Variants in LMTK3 observed in about 807,000 individuals in gnomAD.
The protein encoded by LMTK3 is lemur tail kinase 3, also known as serine/threonine-protein kinase LMTK3.
Under a neutral mutation model 116.7 loss-of-function variants are expected in LMTK3, and 27 were observed. The observed-to-expected ratio is 0.23, with a 90% CI of 0.17 to 0.32. The LOEUF (loss-of-function observed/expected upper bound fraction) is 0.32. Ranked by LOEUF, LMTK3 falls within the 10% of genes least tolerant of loss-of-function variation. LMTK3 has a pLI of 1.00. For synonymous variants in LMTK3, 965 were observed against 971.0 expected, an observed-to-expected ratio of 0.99 and a Z score of 0.11; for missense variants, 1,764 against 2,068.5, an observed-to-expected ratio of 0.85 and a Z score of 2.86.
Position 48,511,626 on chromosome 19 carries a change from G to A in LMTK3, c.-50C>T, listed in dbSNP as rs765366481. On this transcript the variant is annotated 5_prime_UTR_variant, in exon 1 of 15. Coordinates refer to ENST00000600059, the MANE Select transcript of LMTK3 (RefSeq NM_001388485.1). ...GAGGTGGTGGCGGCTGGGGAGGAGG[G>A]GGGGGCGGGCCCTCAGCCCCCAGCC... 1.3e-5 allele frequency: 8 copies of A among 637,436 alleles called. No homozygotes were observed. The highest frequency in any genetic ancestry group is 3.8e-5 in the African/African-American group (2 of 52,272). 39.5% of individuals were successfully genotyped at this position (637,436 alleles called of 1,614,324 possible).
At chr19:48,486,483 C>T (rs182334041) in intron 14 of LMTK3, among the ~76,000 whole-genome samples, 126 of 152,294 alleles carry the variant, frequency 8.3e-4, no homozygotes, top group African/African-American at 2.8e-3. Flanking sequence ...TCATTTCCCT[C>T]TGACTGGTTT....
upstream of LMTK3, chr19:48,513,110 C>T (rs777471824): frequency 9.5e-6 from 15 of 1,575,672 alleles, no homozygotes; most frequent in Non-Finnish European, 1.1e-5. This position sits in a 1 kb window ranked among gnomAD's most constrained non-coding sequence, Gnocchi z 5.6. Flanking sequence ...CACAGACACG[C>T]GCACAGACAC....
Position 48,506,005 on chromosome 19 carries a change from G to A in LMTK3, c.557+2846C>T, listed in dbSNP as rs1325682972. On this transcript the variant is annotated intron_variant, in intron 5 of 14. Transcript: ENST00000600059. ...AAAATACCAAAAATTAGCCAGATGT[G>A]GTGGTGGGCGCCTGTAATCGCAGCT... 6.6e-5 allele frequency among the ~76,000 whole-genome samples: 10 copies of A among 152,008 alleles called. No homozygotes were observed. In the East Asian group the frequency reaches 1.9e-3, roughly 29 times the overall value.
chr19:48,487,102 T>C (rs1381687847), intron 14 of LMTK3, among the ~76,000 whole-genome samples: 1 of 150,992 alleles, frequency 6.6e-6, no homozygotes, highest in Non-Finnish European at 1.5e-5. Flanking sequence ...TGGCACGATC[T>C]TGGCTCAATG....
At position 48,508,893 on chromosome 19, in the gene LMTK3, G is replaced by A. The variant is rs770742432; in HGVS notation, c.515C>T (p.Pro172Leu). The A allele has an allele frequency of 5.0e-6, 8 of 1,613,468 alleles. No homozygotes were observed. The highest frequency in any genetic ancestry group is 5.9e-6 in the Non-Finnish European group (7 of 1,179,774). ...VVKELRASAGPLEQRKFISEA... is the reference protein window; with the variant it reads ...VVKELRASAGLLEQRKFISEA... ...CGAGATGAACTTGCGTTGCTCCAGG[G>A]GCCCCGCGCTGGCTCGGAGCTCCTT... The change falls in exon 5 of 15, where the codon CCC becomes CTC. Residue 172 changes from proline (P) to leucine (L), a missense_variant. By Grantham distance (98) the Pro-to-Leu change is moderately conservative. Transcript: ENST00000600059.
chr19:48,509,623 A>G (rs891272650), intron 3 of LMTK3, 110 bp from the exon 4 acceptor site: 4 of 886,746 alleles, frequency 4.5e-6, no homozygotes, highest in Non-Finnish European at 6.9e-6. Flanking sequence ...CTCTCTTTTC[A>G]TTGGCTGCCA....
Position 48,502,566 on chromosome 19 carries a change from A to G in LMTK3, c.661T>C (p.Tyr221His). 1.3e-6 allele frequency: 2 copies of G among 1,569,112 alleles called. No homozygotes were observed. The highest frequency in any genetic ancestry group is 1.7e-6 in the Non-Finnish European group (2 of 1,159,080). ...TCGGGGGGCCGCTGGGCTCGGAGGT[A>G]ACGCTTCAGGTCCCCCTGGGAGGGA... ...EFCQLGDLKR[Y>H]LRAQRPPEGL... The change falls in exon 7 of 15, where the codon TAC (tyrosine) becomes CAC (histidine). Residue 221 changes from tyrosine to histidine, a missense_variant. Tyr to His is a moderately conservative substitution (Grantham distance 83, BLOSUM62 2). Around this residue, in one of 7 missense-constraint regions of LMTK3, gnomAD observed 271 missense variants for 478.2 expected, o/e 0.57. Transcript: ENST00000600059.
In LMTK3 at chr19:48,499,361, G is replaced by T; in HGVS notation, c.1708C>A (p.Pro570Thr). Residue 570 changes from proline (P) to threonine (T), a missense_variant, in exon 11 of 15, where the codon CCC becomes ACC. This residue lies in a region of LMTK3 where 1,028 missense variants were observed against 1,050.6 expected (regional missense o/e 0.98). Coordinates refer to ENST00000600059, the MANE Select transcript of LMTK3 (RefSeq NM_001388485.1). Reference protein sequence around the residue: ...LDPGVPAPQAPQAPSEVPQLV... With the variant: ...LDPGVPAPQATQAPSEVPQLV... Reference sequence around the variant, plus strand: ...TGGGGGACCTCGGAGGGGGCCTGGGGGGCCTGAGGGGCGGGCACTCCTGGG... The same window carrying T: ...TGGGGGACCTCGGAGGGGGCCTGGGTGGCCTGAGGGGCGGGCACTCCTGGG... 1 of 1,425,210 alleles carries T rather than the reference G, an allele frequency of 7.0e-7. No homozygotes were observed. Among genetic ancestry groups the T allele is most frequent in the Non-Finnish European group, 9.2e-7 (1 of 1,083,090 alleles). 88.3% of individuals were successfully genotyped at this position (1,425,210 alleles called of 1,614,324 possible). A position where few individuals can be genotyped will look rare whatever the true frequency, so the allele number is the denominator to read the frequency against.
chr19:48,509,476 C>T lies in LMTK3; in HGVS notation c.399G>A (p.Leu133=). The T allele has an allele frequency of 1.9e-6, 3 of 1,560,598 alleles. No homozygotes were observed. Among genetic ancestry groups the T allele is most frequent in the Non-Finnish European group, 2.6e-6 (3 of 1,151,346 alleles). Residue 133 remains leucine, a synonymous_variant, in exon 4 of 15, where the codon CTG becomes CTA. Coordinates refer to ENST00000600059, the MANE Select transcript of LMTK3 (RefSeq NM_001388485.1). ...CACTCCCAATCTCCTGCAGGTAGCT[C>T]AGGTGCTGCCGGCTAAGGCCCAGGG... ...TTPLGLSRQH[L]SYLQEIGSGW... is the part of the protein sequence containing the mutation.
chr19:48,510,637 G>A (rs1351756043), intron 1 of LMTK3, 45 bp from the exon 2 acceptor site: 3 of 1,498,138 alleles, frequency 2.0e-6, no homozygotes, highest in South Asian at 1.3e-5. Flanking sequence ...CAAGTCCCTG[G>A]ATACCGGAAT....
chr19:48,501,016 C>A lies in LMTK3; in HGVS notation c.1131G>T (p.Lys377Asn). 6.5e-7 allele frequency: 1 copy of A among 1,528,134 alleles called. No individual in the cohort carries two copies. The highest frequency in any genetic ancestry group is 1.3e-5 in the South Asian group (1 of 77,194). The allele number at this position is 1,528,134 out of a possible 1,614,324, so 94.7% of individuals were successfully genotyped here. ...QHVKLARPRL[K>N]LPYADYWYDI... is the part of the protein sequence containing the mutation. ...CTCACCAGTAGTCCGCGTAAGGCAG[C>A]TTGAGCCTCGGCCGGGCCAGCTTCA... The change falls in exon 10 of 15, where the codon AAG becomes AAT. Residue 377 changes from lysine (K) to asparagine (N), a missense_variant. Transcript: ENST00000600059.
rs1300151012 is a variant in LMTK3 at position 48,498,127 on chromosome 19, G to T, written c.2942C>A (p.Ser981Tyr). 1 of 1,613,510 alleles carries T rather than the reference G, an allele frequency of 6.2e-7. No homozygotes were observed. Residue 981 changes from serine to tyrosine, a missense_variant, in exon 11 of 15, where the codon TCC becomes TAC. By Grantham distance (144) the Ser-to-Tyr change is moderately radical. Transcript: ENST00000600059. ...EKALENGELR[S>Y]PEAGEKVLVN... ...CAGCACCTTCTCCCCGGCCTCTGGG[G>T]ACCTCAGCTCCCCATTCTCCAGCGC...
chr19:48,499,243 C>G lies in LMTK3; in HGVS notation c.1826G>C (p.Gly609Ala). ...GGCGCCCCGGCCCTCGGGGTCCCAG[C>G]CGCTCAGCAGGAAGCTGCCTGACGC... ...SSASGSFLLS[G>A]WDPEGRGAGE... is the part of the protein sequence containing the mutation. Residue 609 changes from glycine to alanine, a missense_variant, in exon 11 of 15, where the codon GGC becomes GCC. Coordinates refer to ENST00000600059, the MANE Select transcript of LMTK3 (RefSeq NM_001388485.1). The G allele has an allele frequency of 7.2e-7, 1 of 1,383,988 alleles. No individual in the cohort carries two copies. The highest frequency in any genetic ancestry group is 9.4e-7 in the Non-Finnish European group (1 of 1,064,788). 85.7% of individuals were successfully genotyped at this position (1,383,988 alleles called of 1,614,324 possible).
Position 48,499,726 on chromosome 19 carries a change from G to A in LMTK3, c.1343C>T (p.Ser448Phe). The change falls in exon 11 of 15, where the codon TCC becomes TTC. Residue 448 changes from serine to phenylalanine, a missense_variant. Physicochemically the swap from Ser to Phe is radical, Grantham distance 155. Coordinates refer to ENST00000600059, the MANE Select transcript of LMTK3 (RefSeq NM_001388485.1). ...GCCATCCAGTAGGGGGAACGGTGAG[G>A]AGAGGGTCCCCGGGCGGGGCGCACT... is the stretch of plus-strand genomic sequence containing the variant. Reference protein sequence around the residue: ...AHSAPRPGTLSSPFPLLDGFP... With the variant: ...AHSAPRPGTLFSPFPLLDGFP... 1 of 1,529,716 alleles carries A rather than the reference G, an allele frequency of 6.5e-7. No individual in the cohort carries two copies. Among genetic ancestry groups the A allele is most frequent in the Non-Finnish European group, 8.8e-7 (1 of 1,136,512 alleles). The allele number at this position is 1,529,716 out of a possible 1,614,324, so 94.8% of individuals were successfully genotyped here.
Position 48,491,068 on chromosome 19 carries a change from G to A in LMTK3, c.4366+40C>T. 2 of 1,298,594 alleles carry A rather than the reference G, an allele frequency of 1.5e-6. No individual in the cohort carries two copies. The highest frequency in any genetic ancestry group is 9.8e-7 in the Non-Finnish European group (1 of 1,016,392). 80.4% of individuals were successfully genotyped at this position (1,298,594 alleles called of 1,614,324 possible). A position where few individuals can be genotyped will look rare whatever the true frequency, so the allele number is the denominator to read the frequency against. On this transcript the variant is annotated intron_variant, in intron 14 of 14. Transcript: ENST00000600059. This position sits in a 1 kb window ranked among gnomAD's most constrained non-coding sequence, Gnocchi z 5.1. ...GTTGGCAGTGGAACATAGGGGGACA[G>A]AGATGGGCAGAGGAGGGGGCAGGGC...
intron 12 of LMTK3, among the ~76,000 whole-genome samples, 163 bp downstream of exon 12, chr19:48,493,531 C>T (rs951396373): frequency 6.7e-6 from 1 of 149,414 alleles, no homozygotes; most frequent in Non-Finnish European, 1.5e-5. Context: ...GGCCCCGCCC[C>T]ACCCTAGCTC....
chr19:48,510,665 C>A (rs182586821), intron 1 of LMTK3, 73 bp from the exon 2 acceptor site: 10 of 1,454,292 alleles, frequency 6.9e-6, no homozygotes, highest in Non-Finnish European at 9.1e-6. Context: ...CCTCCCGTCC[C>A]GGCACGTCTT....
intron 14 of LMTK3, among the ~76,000 whole-genome samples, chr19:48,489,364 G>A (rs780159990): frequency 6.6e-5 from 10 of 152,142 alleles, no homozygotes; most frequent in Non-Finnish European, 1.5e-4. Flanking sequence ...CCTGAGGTCT[G>A]GAGTTCAAGA....
Position 48,511,655 on chromosome 19 carries a change from G to T in LMTK3, c.-79C>A. 1 of 634,218 alleles carries T rather than the reference G, an allele frequency of 1.6e-6. No individual in the cohort carries two copies. Among genetic ancestry groups the T allele is most frequent in the South Asian group, 2.6e-5 (1 of 37,964 alleles). The allele number at this position is 634,218 out of a possible 1,614,324, so 39.3% of individuals were successfully genotyped here. ...GGCGGGCCCTCAGCCCCCAGCCATGGGGACCCGCGCGACCCTGGCCTCCTC... is the reference window on the plus strand; with the variant it reads ...GGCGGGCCCTCAGCCCCCAGCCATGTGGACCCGCGCGACCCTGGCCTCCTC... On this transcript the variant is annotated 5_prime_UTR_variant, in exon 1 of 15. Coordinates refer to ENST00000600059, the MANE Select transcript of LMTK3 (RefSeq NM_001388485.1).
Sources: allele counts gnomAD v4.1 joint callset (sites outside exome capture counted in the v4.1 genomes callset), GRCh38; gene constraint gnomAD v4.1.1; regional missense constraint gnomAD v4.1.1; non-coding constraint Gnocchi (gnomAD v3.1); transcripts MANE v1.5; gene names NCBI Gene and HGNC (gene_info 2026-07-23, HGNC 2026-07-21).